Variants in PRRG1 observed in about 807,000 individuals in gnomAD.
The protein encoded by PRRG1 is proline rich and Gla domain 1.
In PRRG1, 5 loss-of-function variants were observed where a neutral mutation model predicts 11.8. The observed-to-expected ratio is 0.42, with a 90% CI of 0.22 to 0.89. The LOEUF is 0.89. PRRG1 is among the 40% of genes least tolerant of loss of function. PRRG1 has a pLI of 0.28. For missense variants in PRRG1, 155 were observed against 166.1 expected (o/e 0.93, Z 0.37); for synonymous variants, 66 against 60.4 (o/e 1.09, Z -0.43).
intron 3 of PRRG1, among the ~76,000 whole-genome samples, chrX:37,438,562 G>A (rs940953198): frequency 9.6e-6 from 1 of 104,513 alleles, no homozygotes; most frequent in South Asian, 4.5e-4. Flanking sequence ...TCAGCCTCCC[G>A]AGTAGCTGGG....
intron 3 of PRRG1, among the ~76,000 whole-genome samples, chrX:37,433,071 C>T (rs1932848882): frequency 1.8e-5 from 2 of 111,604 alleles, no homozygotes; most frequent in Admixed American, 9.5e-5. Context: ...TATCACTTTA[C>T]ATCCAAGCCA....
Position 37,365,952 on chromosome X carries a change from G to A in PRRG1, c.-42+16557G>A, listed in dbSNP as rs1010683037. Among the ~76,000 whole-genome samples the A allele has an allele frequency of 2.7e-5, 3 of 111,957 alleles. No homozygotes were observed. In the Admixed American group the frequency reaches 2.8e-4, roughly 11 times the overall value. Reference sequence around the variant, plus strand: ...ATTAATTGCATTAGCCTTTATGGTAGGTGACAGGATATTCTGTTCAAAACT... The same window carrying A: ...ATTAATTGCATTAGCCTTTATGGTAAGTGACAGGATATTCTGTTCAAAACT... On this transcript the variant is annotated intron_variant, in intron 1 of 3. Coordinates refer to ENST00000378628, the MANE Select transcript of PRRG1 (RefSeq NM_001142395.2).
At chrX:37,398,371 G>C (rs1931800732) in intron 1 of PRRG1, among the ~76,000 whole-genome samples, 1 of 111,989 alleles carries the variant, frequency 8.9e-6, no homozygotes, top group African/African-American at 3.2e-5. Context: ...AGGCAAACAG[G>C]GTCTGGAGTG....
intron 1 of PRRG1, among the ~76,000 whole-genome samples, chrX:37,357,050 C>G (rs1200528902): frequency 8.9e-6 from 1 of 111,902 alleles, no homozygotes; most frequent in African/African-American, 3.2e-5. Context: ...CAAAAATTCT[C>G]TGTGTTCTGC....
intron 1 of PRRG1, among the ~76,000 whole-genome samples, chrX:37,388,330 T>C (rs1931406177): frequency 8.9e-6 from 1 of 112,656 alleles, no homozygotes; most frequent in African/African-American, 3.2e-5. Context: ...GTGTGGGGGC[T>C]CCAACCCCAA....
intron 1 of PRRG1, among the ~76,000 whole-genome samples, chrX:37,395,546 C>T (rs1329106365): frequency 4.7e-5 from 5 of 106,383 alleles, no homozygotes; most frequent in African/African-American, 1.4e-4. Flanking sequence ...ACCCGGGAGG[C>T]GGAGGTTGCA....
chrX:37,398,712 CAAAG>C (rs1556379108), intron 1 of PRRG1, among the ~76,000 whole-genome samples: 1 of 111,814 alleles, frequency 8.9e-6, no homozygotes, highest in African/African-American at 3.3e-5. Flanking sequence ...AAACCAAAGA[CAAAG>C]AAGTTAAAAA....
At chrX:37,422,935 CCTT>C (rs1441911069) in intron 2 of PRRG1, among the ~76,000 whole-genome samples, 1 of 110,955 alleles carries the variant, frequency 9.0e-6, no homozygotes, top group Non-Finnish European at 1.9e-5. Flanking sequence ...GGAGTAAACT[CCTT>C]CTACTTATGA....
intron 1 of PRRG1, among the ~76,000 whole-genome samples, chrX:37,372,513 C>T (rs1284118900): frequency 8.9e-6 from 1 of 111,891 alleles, no homozygotes; most frequent in Non-Finnish European, 1.9e-5. Context: ...ACCATGTTGA[C>T]CAGGCTGGTC....
chrX:37,401,973 A>G (rs1932005142), intron 1 of PRRG1, among the ~76,000 whole-genome samples: 1 of 111,210 alleles, frequency 9.0e-6, no homozygotes, highest in African/African-American at 3.3e-5. Context: ...CCACTGCTCA[A>G]TGAAATTAAA....
At chrX:37,450,355 T>G (rs1218741712) in intron 3 of PRRG1, among the ~76,000 whole-genome samples, 2 of 111,078 alleles carry the variant, frequency 1.8e-5, no homozygotes, top group African/African-American at 6.6e-5. Context: ...TGTTAAAGAT[T>G]AAGTTACTAC....
At chrX:37,349,948 G>T (rs1930000705) in intron 1 of PRRG1, among the ~76,000 whole-genome samples, 1 of 108,462 alleles carries the variant, frequency 9.2e-6, no homozygotes, top group Non-Finnish European at 1.9e-5. Context: ...TGTGCCCGTG[G>T]ACATTTTAAC....
chrX:37,452,056 T>C (rs1921160853), intron 3 of PRRG1, among the ~76,000 whole-genome samples: 1 of 111,909 alleles, frequency 8.9e-6, no homozygotes, highest in Non-Finnish European at 1.9e-5. Context: ...TGGCAGACAT[T>C]TCGAATCTTA....
chrX:37,413,871 C>T (rs1258341417), intron 2 of PRRG1, among the ~76,000 whole-genome samples: 2 of 111,973 alleles, frequency 1.8e-5, no homozygotes, highest in Non-Finnish European at 3.8e-5. Flanking sequence ...CAAATACTTA[C>T]ATTATGTTAC....
chrX:37,409,758 C>T (rs1033749851), intron 2 of PRRG1, among the ~76,000 whole-genome samples: 24 of 111,940 alleles, frequency 2.1e-4, no homozygotes, highest in African/African-American at 7.8e-4. Context: ...CAAAGATTCT[C>T]ACAAACGTAG....
chrX:37,453,608 C>A lies in PRRG1; in HGVS notation c.644C>A (p.Thr215Asn), dbSNP rs1556397421. Residue 215 changes from threonine (T) to asparagine (N), a missense_variant, in exon 4 of 4, where the codon ACC becomes AAC. Physicochemically the swap from Thr to Asn is moderately conservative, Grantham distance 65 (BLOSUM62 0). Coordinates refer to ENST00000378628, the MANE Select transcript of PRRG1 (RefSeq NM_001142395.2). ...GCCATTCCTATGGTGCCTGTGGTCA[C>A]CACCATCAAATGAAGCTGCAAACTT... ...ASAIPMVPVV[T>N]TIK The A allele has an allele frequency of 8.6e-7, 1 of 1,166,637 alleles. No homozygotes were observed. The highest frequency in any genetic ancestry group is 2.0e-5 in the South Asian group (1 of 50,217).
intron 1 of PRRG1, among the ~76,000 whole-genome samples, chrX:37,372,433 A>G (rs1049646597): frequency 8.9e-6 from 1 of 111,959 alleles, no homozygotes; most frequent in Non-Finnish European, 1.9e-5. Flanking sequence ...CCTCCCAAGT[A>G]GTTGGGATTA....
intron 1 of PRRG1, among the ~76,000 whole-genome samples, chrX:37,403,237 C>T (rs1278538039): frequency 9.1e-6 from 1 of 110,039 alleles, no homozygotes; most frequent in Non-Finnish European, 1.9e-5. Flanking sequence ...AGCCAAATAT[C>T]CAACAATGAT....
At chrX:37,401,643 G>A (rs1320790971) in intron 1 of PRRG1, among the ~76,000 whole-genome samples, 3 of 111,029 alleles carry the variant, frequency 2.7e-5, no homozygotes, top group African/African-American at 9.8e-5. Context: ...AGTGCAATTA[G>A]GCAGGAGAAA....
Sources: allele counts gnomAD v4.1 joint callset (sites outside exome capture counted in the v4.1 genomes callset), GRCh38; gene constraint gnomAD v4.1.1; transcripts MANE v1.5; gene names NCBI Gene and HGNC (gene_info 2026-07-23, HGNC 2026-07-21).